SEMA3D: variants seen among roughly 807,000 people sequenced by gnomAD.
The protein encoded by SEMA3D is semaphorin 3D.
A neutral mutation model predicts 100.1 loss-of-function variants in SEMA3D; 84 were observed. The ratio of observed to expected loss-of-function variants is 0.84; its 90% confidence interval spans 0.70 to 1.01. The LOEUF (loss-of-function observed/expected upper bound fraction) is 1.01. Among genes scored for constraint, SEMA3D ranks in the 50% least tolerant of loss-of-function variants. The probability of loss-of-function intolerance (pLI) is 0.00; values close to 1 mark genes in which losing one functional copy is unlikely to be tolerated. For missense variants in SEMA3D, 875 were observed against 934.1 expected, an observed-to-expected ratio of 0.94 and a Z score of 0.82; for synonymous variants, 312 against 320.7, an observed-to-expected ratio of 0.97 and a Z score of 0.29.
intron 18 of SEMA3D, among the ~76,000 whole-genome samples, chr7:85,003,621 CATTAA>C (rs1276760871): frequency 6.6e-6 from 1 of 151,550 alleles, no homozygotes; most frequent in Non-Finnish European, 1.5e-5. Flanking sequence ...ATATGTATAA[CATTAA>C]ATTATTAATA....
chr7:85,079,923 T>C (rs1205877883), intron 5 of SEMA3D, among the ~76,000 whole-genome samples: 2 of 152,200 alleles, frequency 1.3e-5, no homozygotes, highest in Non-Finnish European at 2.9e-5. Context: ...GGTACCTGTT[T>C]GGTGTTGGAC....
At chr7:85,044,081 A>G (rs913511026) in intron 9 of SEMA3D, among the ~76,000 whole-genome samples, 2 of 152,002 alleles carry the variant, frequency 1.3e-5, no homozygotes, top group Non-Finnish European at 2.9e-5. Context: ...TATAAATTAT[A>G]TAAAATCATT....
intron 5 of SEMA3D, among the ~76,000 whole-genome samples, chr7:85,079,267 C>T (rs531234875): frequency 3.0e-4 from 46 of 152,212 alleles, no homozygotes; most frequent in African/African-American, 1.1e-3. Flanking sequence ...ATGGTAACTG[C>T]TACAAAAATG....
chr7:85,144,208 T>C (rs1003213748), intron 2 of SEMA3D, among the ~76,000 whole-genome samples: 4 of 152,278 alleles, frequency 2.6e-5, no homozygotes, highest in African/African-American at 9.6e-5. Context: ...TTTCTCTATG[T>C]GGATGCTGAA....
the SEMA3D span, among the ~76,000 whole-genome samples, chr7:85,206,670 G>A: frequency 7.9e-5 from 12 of 152,090 alleles, no homozygotes; most frequent in Admixed American, 7.2e-4. Flanking sequence ...ATACTCAAAT[G>A]CTTAAAATGC....
the SEMA3D span, among the ~76,000 whole-genome samples, chr7:85,247,720 A>G: frequency 6.6e-6 from 1 of 152,154 alleles, no homozygotes; most frequent in East Asian, 1.9e-4. Context: ...ACAGAACTGA[A>G]TAGGGAGCCA....
At chr7:85,141,213 C>T (rs920150471) in intron 2 of SEMA3D, 8 of 982,736 alleles carry the variant, frequency 8.1e-6, no homozygotes, top group African/African-American at 3.5e-5. Flanking sequence ...ATATTAACCC[C>T]CTCTCTTATT....
chr7:85,244,803 T>C, the SEMA3D span, among the ~76,000 whole-genome samples: 1 of 150,190 alleles, frequency 6.7e-6, no homozygotes, highest in East Asian at 2.0e-4. Context: ...TTCTGAGTCC[T>C]GGGTTCAAGT....
intron 1 of SEMA3D, among the ~76,000 whole-genome samples, chr7:85,177,514 A>C (rs534851799): frequency 5.6e-4 from 86 of 152,260 alleles, no homozygotes; most frequent in African/African-American, 2.0e-3. Flanking sequence ...GGAATTGAAA[A>C]CATCTGGCAC....
chr7:85,127,646 TA>T (rs1414245706), intron 2 of SEMA3D, among the ~76,000 whole-genome samples: 1 of 152,186 alleles, frequency 6.6e-6, no homozygotes, highest in Non-Finnish European at 1.5e-5. Context: ...AAAAATTTAA[TA>T]AAATATTACT....
the SEMA3D span, among the ~76,000 whole-genome samples, chr7:85,212,493 T>C: frequency 6.6e-6 from 1 of 152,098 alleles, no homozygotes; most frequent in African/African-American, 2.4e-5. Flanking sequence ...CAGAGAAATA[T>C]AGTGCCTATG....
intron 1 of SEMA3D, among the ~76,000 whole-genome samples, chr7:85,166,186 C>T (rs1200937796): frequency 2.6e-5 from 4 of 151,912 alleles, no homozygotes; most frequent in African/African-American, 4.8e-5. Context: ...TATATATACA[C>T]GTCATACTTA....
chr7:85,240,348 C>G, the SEMA3D span, among the ~76,000 whole-genome samples: 1 of 152,036 alleles, frequency 6.6e-6, no homozygotes, highest in Admixed American at 6.6e-5. Context: ...TGAGATAAAT[C>G]TCATTTGTAT....
At chr7:85,219,455 A>AT in the SEMA3D span, among the ~76,000 whole-genome samples, 3 of 63,592 alleles carry the variant, frequency 4.7e-5, no homozygotes, top group East Asian at 2.9e-3. Flanking sequence ...AATGAAAGAC[A>AT]TTTTTTTTAG....
chr7:85,168,024 T>C (rs1352484985), intron 1 of SEMA3D, among the ~76,000 whole-genome samples: 1 of 151,892 alleles, frequency 6.6e-6, no homozygotes. Context: ...CCATGCATAT[T>C]TTTGATAACG....
At chr7:85,051,593 C>A (rs1791166816) in intron 9 of SEMA3D, among the ~76,000 whole-genome samples, 1 of 151,890 alleles carries the variant, frequency 6.6e-6, no homozygotes, top group South Asian at 2.1e-4. Flanking sequence ...TCAGGCACTT[C>A]CATAACTTCA....
the SEMA3D span, among the ~76,000 whole-genome samples, chr7:85,208,699 C>T: frequency 3.9e-5 from 6 of 152,114 alleles, no homozygotes; most frequent in East Asian, 1.9e-4. Flanking sequence ...CCTGCTCCAT[C>T]GGATCTCTCC....
intron 2 of SEMA3D, among the ~76,000 whole-genome samples, chr7:85,138,592 T>C (rs1024841263): frequency 6.7e-6 from 1 of 148,396 alleles, no homozygotes; most frequent in Non-Finnish European, 1.5e-5. Flanking sequence ...TCTTTCCATT[T>C]TGTGCCTCCC....
At chr7:85,001,235 T>G (rs934632760) in intron 18 of SEMA3D, among the ~76,000 whole-genome samples, 2 of 152,190 alleles carry the variant, frequency 1.3e-5, no homozygotes, top group African/African-American at 4.8e-5. Context: ...GGCTGAATGG[T>G]CTCCAGGCCT....
Sources: gnomAD v4.1 joint callset for allele counts (sites outside exome capture counted in the v4.1 genomes callset) on GRCh38, gnomAD v4.1.1 for gene constraint, MANE v1.5 for transcripts, NCBI Gene and HGNC (gene_info 2026-07-23, HGNC 2026-07-21) for gene names.